Variants in TBC1D19 observed in about 807,000 individuals in gnomAD.
TBC1D19 encodes TBC1 domain family, member 19.
TBC1D19 carries 60 observed loss-of-function variants against 89.0 expected under a neutral mutation model. The ratio of observed to expected loss-of-function variants is 0.67; its 90% CI spans 0.55 to 0.84. The LOEUF is 0.84. Among genes scored for constraint, TBC1D19 ranks in the 40% least tolerant of loss-of-function variants. The pLI is 0.00. For synonymous variants in TBC1D19, 189 were observed against 199.7 expected, an observed-to-expected ratio of 0.95 and a Z score of 0.45; for missense variants, 500 against 610.8, an observed-to-expected ratio of 0.82 and a Z score of 1.91.
chr4:26,855,522 G>A, the TBC1D19 span, among the ~76,000 whole-genome samples: 7 of 152,136 alleles, frequency 4.6e-5, no homozygotes, highest in Non-Finnish European at 8.8e-5. Flanking sequence ...CTCACCTTAC[G>A]AAGGGTTTTC....
At chr4:26,833,313 C>T in the TBC1D19 span, among the ~76,000 whole-genome samples, 13 of 152,094 alleles carry the variant, frequency 8.5e-5, no homozygotes, top group African/African-American at 2.9e-4. Flanking sequence ...GGGGAGTGTG[C>T]GTCAGCTTTA....
intron 9 of TBC1D19, among the ~76,000 whole-genome samples, chr4:26,669,310 T>A (rs1712080108): frequency 6.6e-6 from 1 of 151,862 alleles, no homozygotes; most frequent in Admixed American, 6.6e-5. Context: ...AGAAGGGCTG[T>A]ATTGTATACC....
chr4:26,851,342 TATCTATCTATCTATCTATC>T, the TBC1D19 span, among the ~76,000 whole-genome samples: 3 of 152,080 alleles, frequency 2.0e-5, no homozygotes, highest in Non-Finnish European at 2.9e-5. Context: ...TCTATCTATC[TATCTATCTATCTATCTATC>T]ATCTATCCAT....
At chr4:26,797,623 C>A in the TBC1D19 span, among the ~76,000 whole-genome samples, 19 of 152,158 alleles carry the variant, frequency 1.2e-4, no homozygotes, top group African/African-American at 4.3e-4. Flanking sequence ...TTAGAGGCAT[C>A]ACACTGCCTG....
chr4:26,731,080 A>G (rs1456740066), intron 15 of TBC1D19, among the ~76,000 whole-genome samples: 1 of 152,230 alleles, frequency 6.6e-6, no homozygotes, highest in Non-Finnish European at 1.5e-5. Context: ...ACGTAAGCGT[A>G]CACAGGTAGA....
intron 16 of TBC1D19, 86 bp from the exon 17 acceptor site, chr4:26,739,778 A>G: frequency 2.6e-6 from 2 of 770,596 alleles, no homozygotes; most frequent in South Asian, 5.6e-5. Flanking sequence ...TTACTATAAA[A>G]TAGTGATTTA....
the TBC1D19 span, among the ~76,000 whole-genome samples, chr4:26,844,309 A>G: frequency 6.6e-6 from 1 of 152,212 alleles, no homozygotes; most frequent in Non-Finnish European, 1.5e-5. Flanking sequence ...TATGTACTCC[A>G]GGTTTTAGGA....
At chr4:26,663,113 C>T (rs571222367) in intron 8 of TBC1D19, 1 of 152,080 alleles carries the variant, frequency 6.6e-6, no homozygotes, top group African/African-American at 2.4e-5. Flanking sequence ...CAGGCTTGAC[C>T]ACATGCAAAA....
At chr4:26,660,779 T>A (rs368185632) in intron 8 of TBC1D19, among the ~76,000 whole-genome samples, 40 of 152,332 alleles carry the variant, frequency 2.6e-4, no homozygotes, top group African/African-American at 9.6e-4. Flanking sequence ...GCAGCTACAC[T>A]GCCCCTCTAC....
At position 26,666,391 on chromosome 4, in the gene TBC1D19, C is replaced by T; in HGVS notation, c.650C>T (p.Thr217Ile). The change falls in exon 9 of 21, where the codon ACA becomes ATA. Residue 217 changes from threonine (T) to isoleucine (I), a missense_variant. Thr to Ile is a moderately conservative substitution (Grantham distance 89, BLOSUM62 -1). This residue lies in a region of TBC1D19 where 280 missense variants were observed against 291.7 expected (regional missense o/e 0.96). Coordinates refer to ENST00000264866, the MANE Select transcript of TBC1D19 (RefSeq NM_018317.4). ...GGACAACTGGGTATAGATGATTCTACACAAGTGCCTCCTGGTTAGTATTTT... is the reference window on the plus strand; with the variant it reads ...GGACAACTGGGTATAGATGATTCTATACAAGTGCCTCCTGGTTAGTATTTT... Reference protein sequence around the residue: ...NIGQLGIDDSTQVPPELFENE... With the variant: ...NIGQLGIDDSIQVPPELFENE... 1 of 1,609,492 alleles carries T rather than the reference C, an allele frequency of 6.2e-7. No individual in the cohort carries two copies. The highest frequency in any genetic ancestry group is 8.5e-7 in the Non-Finnish European group (1 of 1,177,238).
chr4:26,796,457 A>AT, the TBC1D19 span, among the ~76,000 whole-genome samples: 48 of 152,086 alleles, frequency 3.2e-4, no homozygotes, highest in South Asian at 1.0e-3. Flanking sequence ...AATAATGTGT[A>AT]TTTTTTTTCC....
rs1277915641 is a variant in TBC1D19 at position 26,755,179 on chromosome 4, C to T, written c.*232C>T. ...AGAGAAGCAATAAACACAACTTCTG[C>T]TAAATTGAGCATTATATATATAATA... On this transcript the variant is annotated 3_prime_UTR_variant, in exon 21 of 21. Transcript: ENST00000264866. 4.5e-5 allele frequency: 9 copies of T among 200,702 alleles called. No individual in the cohort carries two copies. The allele number at this position is 200,702 out of a possible 1,614,324, so 12.4% of individuals were successfully genotyped here. A position where few individuals can be genotyped will look rare whatever the true frequency, so the allele number is the denominator to read the frequency against.
intron 4 of TBC1D19, among the ~76,000 whole-genome samples, chr4:26,623,073 TC>T (rs1240626760): frequency 6.6e-6 from 1 of 152,158 alleles, no homozygotes; most frequent in Non-Finnish European, 1.5e-5. Flanking sequence ...GTTGTTTAGC[TC>T]CCTATTTTGG....
rs571958263 is a variant in TBC1D19 at position 26,584,182 on chromosome 4, A to G, written c.-12A>G. The stretch of plus-strand genomic sequence containing the variant: ...GCCTGTCCCCGCGGCTTGGCGGGCT[A>G]GGGCAGGGGAAATGTTGCAGGAGGA... On this transcript the variant is annotated 5_prime_UTR_variant, in exon 1 of 21. Coordinates refer to ENST00000264866, the MANE Select transcript of TBC1D19 (RefSeq NM_018317.4). The G allele has an allele frequency of 1.9e-6, 3 of 1,605,686 alleles. No individual in the cohort carries two copies. The highest frequency in any genetic ancestry group is 2.2e-5 in the South Asian group (2 of 89,210).
chr4:26,790,252 A>T, the TBC1D19 span, among the ~76,000 whole-genome samples: 1 of 152,086 alleles, frequency 6.6e-6, no homozygotes, highest in Non-Finnish European at 1.5e-5. Context: ...ACTTCAGAGG[A>T]CTCTGAGGCC....
intron 7 of TBC1D19, among the ~76,000 whole-genome samples, chr4:26,648,409 G>C (rs1248888467): frequency 1.3e-5 from 2 of 152,166 alleles, no homozygotes; most frequent in African/African-American, 4.8e-5. Context: ...CAACTGACTA[G>C]TTAGTACATG....
At chr4:26,699,678 C>T (rs1282041255) in intron 13 of TBC1D19, among the ~76,000 whole-genome samples, 1 of 152,094 alleles carries the variant, frequency 6.6e-6, no homozygotes. Context: ...GAATACTATG[C>T]AGCCATAAAA....
chr4:26,797,732 A>T, the TBC1D19 span, among the ~76,000 whole-genome samples: 5 of 152,220 alleles, frequency 3.3e-5, no homozygotes, highest in Non-Finnish European at 1.5e-5. Flanking sequence ...GAACCCAGAA[A>T]TAAAGCCACA....
At chr4:26,661,166 G>A (rs898747915) in intron 8 of TBC1D19, among the ~76,000 whole-genome samples, 7 of 152,240 alleles carry the variant, frequency 4.6e-5, no homozygotes, top group African/African-American at 1.7e-4. Context: ...GACCAGAGGT[G>A]TATTCACTAG....
Sources: gnomAD v4.1 joint callset for allele counts (sites outside exome capture counted in the v4.1 genomes callset) on GRCh38, gnomAD v4.1.1 for gene constraint, gnomAD v4.1.1 regional missense constraint, MANE v1.5 for transcripts, NCBI Gene and HGNC (gene_info 2026-07-23, HGNC 2026-07-21) for gene names.